Variants in MAGEL2 observed in about 807,000 individuals in gnomAD.
MAGEL2 encodes the protein MAGE family member L2, also known as MAGE-like protein 2.
For synonymous variants in MAGEL2, 792 were observed against 721.7 expected, an observed-to-expected ratio of 1.10 and a Z score of -1.56; for missense variants, 1,830 against 1,699.2, an observed-to-expected ratio of 1.08 and a Z score of -1.35.
chr15:23,645,164 G>A lies in MAGEL2; in HGVS notation c.2579C>T (p.Ala860Val), dbSNP rs760611000. The A allele has an allele frequency of 9.3e-6, 15 of 1,613,788 alleles. No homozygotes were observed. Among genetic ancestry groups the A allele is most frequent in the Non-Finnish European group, 1.2e-5 (14 of 1,179,892 alleles). ...AVPTFLMATAAAPQATATTQE... is the reference protein window; with the variant it reads ...AVPTFLMATAVAPQATATTQE... ...AGTGGTGGCAGTTGCCTGGGGGGCA[G>A]CTGCTGTAGCCATCAGGAAGGTGGG... Residue 860 changes from alanine to valine, a missense_variant, in exon 1 of 1, where the codon GCT becomes GTT. Physicochemically the swap from Ala to Val is moderately conservative, Grantham distance 64. Coordinates refer to ENST00000650528, the MANE Select transcript of MAGEL2 (RefSeq NM_019066.5).
Position 23,645,497 on chromosome 15 carries a change from C to T in MAGEL2, c.2246G>A (p.Arg749His), listed in dbSNP as rs372951342. The T allele has an allele frequency of 1.2e-6, 2 of 1,613,956 alleles. No individual in the cohort carries two copies. Among genetic ancestry groups the T allele is most frequent in the East Asian group, 2.2e-5 (1 of 44,864 alleles). ...SKERRAPSKDRMIFAATFCAP... is the reference protein window; with the variant it reads ...SKERRAPSKDHMIFAATFCAP... ...ACAGAAGGTGGCAGCAAAGATCATGCGGTCTTTTGAAGGGGCCCTGCGCTC... is the reference window on the plus strand; with the variant it reads ...ACAGAAGGTGGCAGCAAAGATCATGTGGTCTTTTGAAGGGGCCCTGCGCTC... Residue 749 changes from arginine (R) to histidine (H), a missense_variant, in exon 1 of 1, where the codon CGC (arginine) becomes CAC (histidine). Physicochemically the swap from Arg to His is conservative, Grantham distance 29 (BLOSUM62 0). Coordinates refer to ENST00000650528, the MANE Select transcript of MAGEL2 (RefSeq NM_019066.5).
rs1314172016 is a variant in MAGEL2 at position 23,646,631 on chromosome 15, G to A, written c.1112C>T (p.Thr371Ile). The A allele has an allele frequency of 8.8e-6, 13 of 1,478,098 alleles. No individual in the cohort carries two copies. The highest frequency in any genetic ancestry group is 1.1e-5 in the Non-Finnish European group (12 of 1,118,678). 91.6% of individuals were successfully genotyped at this position (1,478,098 alleles called of 1,614,324 possible). Residue 371 changes from threonine to isoleucine, a missense_variant, in exon 1 of 1, where the codon ACC becomes ATC. By Grantham distance (89) the Thr-to-Ile change is moderately conservative. Transcript: ENST00000650528. This position sits in a 1 kb window ranked among gnomAD's most constrained non-coding sequence, Gnocchi z 4.2. ...QLATPPGWQA[T>I]SPGWQATQQG... ...CTGCGTGGCCTGCCATCCTGGCGAG[G>A]TCGCCTGCCAGCCCGGGGGTGTGGC...
Position 23,646,188 on chromosome 15 carries a change from G to A in MAGEL2, c.1555C>T (p.Pro519Ser). The A allele has an allele frequency of 7.5e-7, 1 of 1,331,500 alleles. No homozygotes were observed. The highest frequency in any genetic ancestry group is 2.1e-5 in the South Asian group (1 of 47,962). 82.5% of individuals were successfully genotyped at this position (1,331,500 alleles called of 1,614,324 possible). A position where few individuals can be genotyped will look rare whatever the true frequency, so the allele number is the denominator to read the frequency against. Residue 519 changes from proline to serine, a missense_variant, in exon 1 of 1, where the codon CCC (proline) becomes TCC (serine). Transcript: ENST00000650528. The surrounding 1 kb of genome is among the most constrained non-coding windows in gnomAD (Gnocchi z 4.2). ...GGGGCCTGCCGCAGTGGAGGTGGGG[G>A]TGGCAGGGCCTGCCAGAGCGGTGGC... ...TQPPLWQALPPPPPLRQAPQA... is the reference protein window; with the variant it reads ...TQPPLWQALPSPPPLRQAPQA...
In MAGEL2 at chr15:23,644,657, T is replaced by G. The variant is rs538176500; in HGVS notation, c.3086A>C (p.Gln1029Pro). 9 of 1,613,922 alleles carry G rather than the reference T, an allele frequency of 5.6e-6. No homozygotes were observed. The East Asian group carries it at 1.8e-4, about 32-fold the overall frequency. Residue 1029 changes from glutamine (Q) to proline (P), a missense_variant, in exon 1 of 1, where the codon CAG (glutamine) becomes CCG (proline). By Grantham distance (76) the Gln-to-Pro change is moderately conservative (BLOSUM62 -1). Coordinates refer to ENST00000650528, the MANE Select transcript of MAGEL2 (RefSeq NM_019066.5). ...GGCTTGGTCCTTGACTAAGAGGAAC[T>G]GCACCAACGCATTTGCCCTCTCATC... ...PLDERANALV[Q>P]FLLVKDQAKV...
Position 23,644,175 on chromosome 15 carries a change from G to C in MAGEL2, c.3568C>G (p.Leu1190Val). Residue 1190 changes from leucine to valine, a missense_variant, in exon 1 of 1, where the codon CTG (leucine) becomes GTG (valine). Coordinates refer to ENST00000650528, the MANE Select transcript of MAGEL2 (RefSeq NM_019066.5). Reference protein sequence around the residue: ...YEFLWGPRAFLETSKMLVLRF... With the variant: ...YEFLWGPRAFVETSKMLVLRF... ...AGGACAAGCATCTTGCTGGTTTCCA[G>C]GAATGCTCGAGGGCCCCAGAGGAAC... The C allele has an allele frequency of 6.2e-7, 1 of 1,613,950 alleles. No individual in the cohort carries two copies. The highest frequency in any genetic ancestry group is 1.3e-5 in the African/African-American group (1 of 75,040).
chr15:23,644,682 C>T lies in MAGEL2; in HGVS notation c.3061G>A (p.Asp1021Asn), dbSNP rs1433677205. ...TGCACCAACGCATTTGCCCTCTCATCCAAGGGAGACAAGGGCTGTGCCTCC... is the reference window on the plus strand; with the variant it reads ...TGCACCAACGCATTTGCCCTCTCATTCAAGGGAGACAAGGGCTGTGCCTCC... ...KVEAQPLSPL[D>N]ERANALVQFL... Residue 1021 changes from aspartate (D) to asparagine (N), a missense_variant, in exon 1 of 1, where the codon GAT becomes AAT. Asp to Asn is a conservative substitution (Grantham distance 23). Coordinates refer to ENST00000650528, the MANE Select transcript of MAGEL2 (RefSeq NM_019066.5). 3 of 1,613,900 alleles carry T rather than the reference C, an allele frequency of 1.9e-6. No individual in the cohort carries two copies. The highest frequency in any genetic ancestry group is 2.5e-6 in the Non-Finnish European group (3 of 1,179,892).
In MAGEL2 at chr15:23,644,571, A is replaced by C; in HGVS notation, c.3172T>G (p.Cys1058Gly). The C allele has an allele frequency of 6.2e-7, 1 of 1,612,862 alleles. No homozygotes were observed. Among genetic ancestry groups the C allele is most frequent in the Non-Finnish European group, 8.5e-7 (1 of 1,179,510 alleles). The change falls in exon 1 of 1, where the codon TGC becomes GGC. Residue 1058 changes from cysteine to glycine, a missense_variant. Physicochemically the swap from Cys to Gly is radical, Grantham distance 159. Coordinates refer to ENST00000650528, the MANE Select transcript of MAGEL2 (RefSeq NM_019066.5). ...TTGGCACGGTTGATGATATCTAAGCACTCATCTTTATACTCTCGGAGGATG... is the reference window on the plus strand; with the variant it reads ...TTGGCACGGTTGATGATATCTAAGCCCTCATCTTTATACTCTCGGAGGATG... ...KVILREYKDE[C>G]LDIINRANNK...
At position 23,646,928 on chromosome 15, in the gene MAGEL2, T is replaced by G. The variant is rs1371790724; in HGVS notation, c.815A>C (p.Gln272Pro). The part of the protein sequence containing the change: ...PPPAAMMTQP[Q>P]PSGAPMAKPP... ...CTTGGCCATCGGTGCTCCTGAAGGC[T>G]GAGGCTGGGTCATCATGGCTGCTGG... Residue 272 changes from glutamine to proline, a missense_variant, in exon 1 of 1, where the codon CAG (glutamine) becomes CCG (proline). Transcript: ENST00000650528. This position sits in a 1 kb window ranked among gnomAD's most constrained non-coding sequence, Gnocchi z 4.2. 6.5e-7 allele frequency: 1 copy of G among 1,536,316 alleles called. No individual in the cohort carries two copies. Among genetic ancestry groups the G allele is most frequent in the Non-Finnish European group, 8.7e-7 (1 of 1,146,696 alleles).
At position 23,644,780 on chromosome 15, in the gene MAGEL2, G is replaced by C. The variant is rs746183066; in HGVS notation, c.2963C>G (p.Ser988Cys). ...ALGLSESPGS[S>C]LPVVVSEVAS... The stretch of plus-strand genomic sequence containing the variant: ...GACCTCAGACACAACTACGGGCAGA[G>C]AGCTCCCTGGGCTTTCAGAGAGACC... Residue 988 changes from serine (S) to cysteine (C), a missense_variant, in exon 1 of 1, where the codon TCT becomes TGT. Transcript: ENST00000650528. 8 of 1,613,560 alleles carry C rather than the reference G, an allele frequency of 5.0e-6. No homozygotes were observed. In the African/African-American group the frequency reaches 1.1e-4, roughly 22 times the overall value.
rs1460357275 is a variant in MAGEL2 at position 23,647,061 on chromosome 15, G to A, written c.682C>T (p.Pro228Ser). 4.6e-6 allele frequency: 7 copies of A among 1,536,318 alleles called. No individual in the cohort carries two copies. Among genetic ancestry groups the A allele is most frequent in the Non-Finnish European group, 5.2e-6 (6 of 1,146,542 alleles). Reference protein sequence around the residue: ...PMAHPPPPGTPMAQPPAPGVL... With the variant: ...PMAHPPPPGTSMAQPPAPGVL... ...CCCGGAGCTGGAGGCTGGGCCATCG[G>A]TGTACCCGGAGGGGGAGGATGAGCC... Residue 228 changes from proline to serine, a missense_variant, in exon 1 of 1, where the codon CCG (proline) becomes TCG (serine). Coordinates refer to ENST00000650528, the MANE Select transcript of MAGEL2 (RefSeq NM_019066.5).
In MAGEL2 at chr15:23,646,166, G is replaced by A; in HGVS notation, c.1577C>T (p.Ala526Val). ...CGGGGCCGGCAGCCTAGCCTGCGGG[G>A]CCTGCCGCAGTGGAGGTGGGGGTGG... ...ALPPPPPLRQAPQARLPAPQV... is the reference protein window; with the variant it reads ...ALPPPPPLRQVPQARLPAPQV... Residue 526 changes from alanine to valine, a missense_variant, in exon 1 of 1, where the codon GCC (alanine) becomes GTC (valine). Transcript: ENST00000650528. This position sits in a 1 kb window ranked among gnomAD's most constrained non-coding sequence, Gnocchi z 4.2. 1 of 1,340,230 alleles carries A rather than the reference G, an allele frequency of 7.5e-7. No homozygotes were observed. The highest frequency in any genetic ancestry group is 9.5e-7 in the Non-Finnish European group (1 of 1,054,128). The allele number at this position is 1,340,230 out of a possible 1,614,324, so 83.0% of individuals were successfully genotyped here. A position where few individuals can be genotyped will look rare whatever the true frequency, so the allele number is the denominator to read the frequency against.
In MAGEL2 at chr15:23,647,629, C is replaced by A; in HGVS notation, c.114G>T (p.Arg38=). ...VLMRAPPASS[R]APPVPWDPPP... is the part of the protein sequence containing the mutation. ...GTGGATCCCAAGGGACTGGCGGAGC[C>A]CGGGAGGAAGCGGGCGGGGCCCGCA... The change falls in exon 1 of 1, where the codon CGG becomes CGT. Residue 38 remains arginine, a synonymous_variant. Coordinates refer to ENST00000650528, the MANE Select transcript of MAGEL2 (RefSeq NM_019066.5). 6.5e-7 allele frequency: 1 copy of A among 1,536,816 alleles called. No homozygotes were observed. The highest frequency in any genetic ancestry group is 8.7e-7 in the Non-Finnish European group (1 of 1,146,816).
chr15:23,645,136 T>C lies in MAGEL2; in HGVS notation c.2607A>G (p.Gln869=). 1 of 1,613,756 alleles carries C rather than the reference T, an allele frequency of 6.2e-7. No homozygotes were observed. Among genetic ancestry groups the C allele is most frequent in the Non-Finnish European group, 8.5e-7 (1 of 1,179,894 alleles). Residue 869 remains glutamine (Q), a synonymous_variant, in exon 1 of 1, where the codon CAA becomes CAG. Coordinates refer to ENST00000650528, the MANE Select transcript of MAGEL2 (RefSeq NM_019066.5). ...AAAPQATATT[Q]EASKTSVEPP... The stretch of plus-strand genomic sequence containing the variant: ...GCTCGACGGAGGTCTTGGAGGCCTC[T>C]TGAGTGGTGGCAGTTGCCTGGGGGG...
chr15:23,647,522 G>A lies in MAGEL2; in HGVS notation c.221C>T (p.Ala74Val), dbSNP rs1355429918. 6.5e-7 allele frequency: 1 copy of A among 1,531,442 alleles called. No individual in the cohort carries two copies. Among genetic ancestry groups the A allele is most frequent in the East Asian group, 2.4e-5 (1 of 40,828 alleles). The allele number at this position is 1,531,442 out of a possible 1,614,324, so 94.9% of individuals were successfully genotyped here. Residue 74 changes from alanine to valine, a missense_variant, in exon 1 of 1, where the codon GCC becomes GTC. By Grantham distance (64) the Ala-to-Val change is moderately conservative. Transcript: ENST00000650528. ...AWEAPQGQLP[A>V]PVVPMTQPPA... is the part of the protein sequence containing the mutation. ...AGGCTGGGTCATCGGAACCACCGGG[G>A]CGGGCAGCTGGCCCTGTGGGGCCTC... is the stretch of plus-strand genomic sequence containing the variant.
At position 23,643,871 on chromosome 15, in the gene MAGEL2, G is replaced by A. The variant is rs1347693118; in HGVS notation, c.*122C>T. On this transcript the variant is annotated 3_prime_UTR_variant, in exon 1 of 1. Transcript: ENST00000650528. ...AAAGCTTTGGCAGATACGAAACCAAGTTGAAAATCCAAACGTACACTCGTG... is the reference window on the plus strand; with the variant it reads ...AAAGCTTTGGCAGATACGAAACCAAATTGAAAATCCAAACGTACACTCGTG... The A allele has an allele frequency of 1.8e-6, 2 of 1,130,050 alleles. No individual in the cohort carries two copies. Among genetic ancestry groups the A allele is most frequent in the Non-Finnish European group, 2.4e-6 (2 of 834,058 alleles). The allele number at this position is 1,130,050 out of a possible 1,614,324, so 70.0% of individuals were successfully genotyped here.
In MAGEL2 at chr15:23,646,320, C is replaced by A. The variant is rs760039339; in HGVS notation, c.1423G>T (p.Ala475Ser). ...GGAGCCTGGCGGATCACAGGTGGGG[C>A]CTGGCGGATCACAGGTGGGGCCTGG... ...IRQAPPVIRQ[A>S]PPVIRQAPPV... The change falls in exon 1 of 1, where the codon GCC (alanine) becomes TCC (serine). Residue 475 changes from alanine to serine, a missense_variant. Physicochemically the swap from Ala to Ser is moderately conservative, Grantham distance 99. Coordinates refer to ENST00000650528, the MANE Select transcript of MAGEL2 (RefSeq NM_019066.5). This position sits in a 1 kb window ranked among gnomAD's most constrained non-coding sequence, Gnocchi z 4.2. The A allele has an allele frequency of 4.7e-4, 644 of 1,374,826 alleles. No individual in the cohort carries two copies. The highest frequency in any genetic ancestry group is 5.6e-4 in the Non-Finnish European group (597 of 1,075,072). The allele number at this position is 1,374,826 out of a possible 1,614,324, so 85.2% of individuals were successfully genotyped here.
Position 23,647,549 on chromosome 15 carries a change from C to A in MAGEL2, c.194G>T (p.Trp65Leu). The A allele has an allele frequency of 6.5e-7, 1 of 1,533,758 alleles. No homozygotes were observed. Among genetic ancestry groups the A allele is most frequent in the Non-Finnish European group, 8.7e-7 (1 of 1,145,864 alleles). ...GGGCAGCTGGCCCTGTGGGGCCTCC[C>A]AGGCAGGCTGAGGTGCCTGCCAAGC... ...LAAWQAPQPA[W>L]EAPQGQLPAP... The change falls in exon 1 of 1, where the codon TGG becomes TTG. Residue 65 changes from tryptophan to leucine, a missense_variant. Trp to Leu is a moderately conservative substitution (Grantham distance 61, BLOSUM62 -2). Coordinates refer to ENST00000650528, the MANE Select transcript of MAGEL2 (RefSeq NM_019066.5).
rs754093332 is a variant in MAGEL2 at position 23,645,768 on chromosome 15, C to T, written c.1975G>A (p.Val659Met). The T allele has an allele frequency of 1.0e-5, 16 of 1,582,178 alleles. No individual in the cohort carries two copies. Among genetic ancestry groups the T allele is most frequent in the African/African-American group, 2.7e-5 (2 of 74,048 alleles). Residue 659 changes from valine to methionine, a missense_variant, in exon 1 of 1, where the codon GTG becomes ATG. By Grantham distance (21) the Val-to-Met change is conservative. Coordinates refer to ENST00000650528, the MANE Select transcript of MAGEL2 (RefSeq NM_019066.5). Reference protein sequence around the residue: ...FQGAPPSQKAVQIQLPPQQAQ... With the variant: ...FQGAPPSQKAMQIQLPPQQAQ... The stretch of plus-strand genomic sequence containing the variant: ...TGCTGGGGGGGTAGCTGGATTTGCA[C>T]GGCTTTTTGGGAGGGCGGGGCTCCC...
chr15:23,647,843 C>T lies in MAGEL2; in HGVS notation c.-101G>A. The T allele has an allele frequency of 8.1e-7, 1 of 1,230,806 alleles. No individual in the cohort carries two copies. The highest frequency in any genetic ancestry group is 1.1e-6 in the Non-Finnish European group (1 of 925,442). 76.2% of individuals were successfully genotyped at this position (1,230,806 alleles called of 1,614,324 possible). A position where few individuals can be genotyped will look rare whatever the true frequency, so the allele number is the denominator to read the frequency against. On this transcript the variant is annotated 5_prime_UTR_variant, in exon 1 of 1. Coordinates refer to ENST00000650528, the MANE Select transcript of MAGEL2 (RefSeq NM_019066.5). ...CTACGTGGCTGTTCAGAGGCTCCCT[C>T]CCTGCTGAATGCTGAATAGGAAGTG...
Sources: allele counts gnomAD v4.1 joint callset, GRCh38; gene constraint gnomAD v4.1.1; non-coding constraint Gnocchi (gnomAD v3.1); transcripts MANE v1.5; gene names NCBI Gene and HGNC (gene_info 2026-07-23, HGNC 2026-07-21).